TMEM245: variants seen among roughly 807,000 people sequenced by gnomAD.
TMEM245 encodes protein CG-2.
Under a neutral mutation model 101.2 loss-of-function variants are expected in TMEM245, and 69 were observed. The ratio of observed to expected loss-of-function variants is 0.68; its 90% CI spans 0.56 to 0.83. The LOEUF (loss-of-function observed/expected upper bound fraction) is 0.83. Among genes scored for constraint, TMEM245 ranks in the 40% least tolerant of loss-of-function variants. The pLI, the probability that TMEM245 is intolerant of heterozygous loss-of-function variation, is 0.00. For missense variants in TMEM245, 1,075 were observed against 1,092.8 expected (o/e 0.98, Z 0.23); for synonymous variants, 537 against 449.8 (o/e 1.19, Z -2.45).
chr9:109,089,225 C>A (rs1289990331), intron 5 of TMEM245, among the ~76,000 whole-genome samples: 1 of 140,930 alleles, frequency 7.1e-6, no homozygotes, highest in Non-Finnish European at 1.6e-5. Context: ...CAAAGTGAGA[C>A]CTTGTCTCAA....
rs181098908 is a variant in TMEM245, at chr9:109,089,908, T to C, written c.1150+1014A>G. 1.9e-3 allele frequency among the ~76,000 whole-genome samples: 296 copies of C among 152,326 alleles called. 3 individuals are homozygous for C. The highest frequency in any genetic ancestry group is 6.5e-3 in the African/African-American group (271 of 41,574). On this transcript the variant is annotated intron_variant, in intron 5 of 17. Transcript: ENST00000374586. ...ATACATGTATTTCTCAAAGCCTACATTTCCTTTGAATTAAAAAGGCAAGGT... is the reference window on the plus strand; with the variant it reads ...ATACATGTATTTCTCAAAGCCTACACTTCCTTTGAATTAAAAAGGCAAGGT...
At chr9:109,092,446 T>C (rs938143983) in intron 4 of TMEM245, among the ~76,000 whole-genome samples, 3 of 152,262 alleles carry the variant, frequency 2.0e-5, no homozygotes, top group African/African-American at 7.2e-5. Context: ...AGTGCAGGGC[T>C]AAAGCCCAAG....
intron 17 of TMEM245, among the ~76,000 whole-genome samples, chr9:109,024,335 T>A (rs1827731349): frequency 1.3e-5 from 2 of 152,214 alleles, no homozygotes; most frequent in African/African-American, 4.8e-5. Flanking sequence ...CTATGTCCCA[T>A]CGTCTTTTAT....
intron 1 of TMEM245, among the ~76,000 whole-genome samples, chr9:109,114,336 G>A (rs1370780632): frequency 2.0e-5 from 3 of 152,194 alleles, no homozygotes; most frequent in Non-Finnish European, 4.4e-5. Context: ...AACAAACCTA[G>A]AAATGTGTTT....
chr9:109,094,657 G>A (rs1341077337), intron 3 of TMEM245, among the ~76,000 whole-genome samples: 1 of 152,144 alleles, frequency 6.6e-6, no homozygotes. Context: ...AAGATTAATT[G>A]TCTGGTCTTT....
chr9:109,083,925 A>AAAAAAAAAAAAAAC (rs1554725114), intron 7 of TMEM245, among the ~76,000 whole-genome samples: 3 of 140,876 alleles, frequency 2.1e-5, no homozygotes, highest in East Asian at 4.6e-4. Context: ...AAAAAAAAAA[A>AAAAAAAAAAAAAAC]AAAACACCAG....
Position 109,032,365 on chromosome 9 carries a change from C to CTTTTTTTTTTTTTTTTTTTTTTTTT in TMEM245, c.2594+917_2594+941dup, listed in dbSNP as rs755399182. 6.1e-4 allele frequency among the ~76,000 whole-genome samples: 25 copies of CTTTTTTTTTTTTTTTTTTTTTTTTT among 40,980 alleles called. 9 individuals are homozygous for CTTTTTTTTTTTTTTTTTTTTTTTTT. Among genetic ancestry groups the CTTTTTTTTTTTTTTTTTTTTTTTTT allele is most frequent in the Admixed American group, 6.7e-4 (2 of 2,982 alleles). The allele number at this position is 40,980 out of a possible 152,430, so 26.9% of individuals were successfully genotyped here. A position where few individuals can be genotyped will look rare whatever the true frequency, so the allele number is the denominator to read the frequency against. ...GCATTTGGTTGTCCTATTTCTTTTC[C>CTTTTTTTTTTTTTTTTTTTTTTTTT]TTTTTTTTTTTTTTTTTTTTTTTTT... On this transcript the variant is annotated intron_variant, in intron 17 of 17. Transcript: ENST00000374586.
intron 12 of TMEM245, among the ~76,000 whole-genome samples, chr9:109,051,340 A>ACACACACACACACACAC (rs71372547): frequency 6.9e-6 from 1 of 145,184 alleles, no homozygotes; most frequent in African/African-American, 2.5e-5. Context: ...ACACACACAC[A>ACACACACACACACACAC]TCATTGTAGA....
chr9:109,060,883 C>T (rs191607912), intron 10 of TMEM245, among the ~76,000 whole-genome samples: 1 of 152,258 alleles, frequency 6.6e-6, no homozygotes, highest in East Asian at 1.9e-4. Context: ...GCTATAAACA[C>T]GAATCCTTCC....
At position 109,097,541 on chromosome 9, in the gene TMEM245, C is replaced by T. The variant is rs117824091; in HGVS notation, c.800-3950G>A. ...AGATGGCTATAGGCAAGTTAGTTAA[C>T]GTCGAGATGTCCCAGTCTCCTCATG... On this transcript the variant is annotated intron_variant, in intron 3 of 17. Coordinates refer to ENST00000374586, the MANE Select transcript of TMEM245 (RefSeq NM_032012.4). 1.9e-3 allele frequency among the ~76,000 whole-genome samples: 289 copies of T among 152,254 alleles called. 1 individual carries two copies. Among genetic ancestry groups the T allele is most frequent in the Non-Finnish European group, 3.2e-3 (221 of 68,014 alleles).
Position 109,016,846 on chromosome 9 carries a change from T to C in TMEM245, c.*3614A>G, listed in dbSNP as rs562415848. On this transcript the variant is annotated 3_prime_UTR_variant, in exon 18 of 18. Transcript: ENST00000374586. ...TGTGAAATGCACACTCAAAGTCCTA[T>C]TGTAATATTATTTTAAGGGTCTTAG... 6.6e-6 allele frequency: 1 copy of C among 152,296 alleles called. No homozygotes were observed. Among genetic ancestry groups the C allele is most frequent in the Admixed American group, 6.5e-5 (1 of 15,302 alleles). 9.4% of individuals were successfully genotyped at this position (152,296 alleles called of 1,614,324 possible). A position where few individuals can be genotyped will look rare whatever the true frequency, so the allele number is the denominator to read the frequency against.
At chr9:109,114,929 A>C (rs989314145) in intron 1 of TMEM245, among the ~76,000 whole-genome samples, 2 of 152,206 alleles carry the variant, frequency 1.3e-5, no homozygotes, top group Non-Finnish European at 2.9e-5. Context: ...CTGAAAAAGA[A>C]TTACTCATCC....
At chr9:109,101,829 T>A (rs1205952484) in intron 3 of TMEM245, among the ~76,000 whole-genome samples, 1 of 152,220 alleles carries the variant, frequency 6.6e-6, no homozygotes, top group Non-Finnish European at 1.5e-5. Flanking sequence ...GGTCTTCTTT[T>A]TCCCCTTGCT....
rs374552554 is a variant in TMEM245, at chr9:109,017,655, C to T, written c.*2805G>A. 2.0e-5 allele frequency: 3 copies of T among 152,164 alleles called. No homozygotes were observed. Among genetic ancestry groups the T allele is most frequent in the African/African-American group, 7.2e-5 (3 of 41,430 alleles). 9.4% of individuals were successfully genotyped at this position (152,164 alleles called of 1,614,324 possible). ...AGATATTATGACCAAGTTCTGTACT[C>T]CGTTTTTACTGAAATGACTTCTACT... is the stretch of plus-strand genomic sequence containing the variant. On this transcript the variant is annotated 3_prime_UTR_variant, in exon 18 of 18. Transcript: ENST00000374586.
intron 3 of TMEM245, among the ~76,000 whole-genome samples, chr9:109,096,137 G>A (rs1830133881): frequency 6.6e-6 from 1 of 152,218 alleles, no homozygotes; most frequent in South Asian, 2.1e-4. Context: ...AGAGCTGGAT[G>A]AAGATTCTTG....
chr9:109,065,622 G>C (rs1259547369), intron 9 of TMEM245, among the ~76,000 whole-genome samples: 2 of 152,114 alleles, frequency 1.3e-5, no homozygotes, highest in African/African-American at 4.8e-5. Context: ...GACTAAGCAG[G>C]CTGTACCATA....
chr9:109,086,152 A>G (rs1829829341), intron 6 of TMEM245, 132 bp from the exon 7 acceptor site: 15 of 865,012 alleles, frequency 1.7e-5, no homozygotes, highest in Non-Finnish European at 2.6e-5. Flanking sequence ...AAAACTAGGG[A>G]CGGAAAAACT....
At chr9:109,033,614 T>G in intron 16 of TMEM245, 113 bp from the exon 17 acceptor site, 3 of 1,032,518 alleles carry the variant, frequency 2.9e-6, no homozygotes, top group Non-Finnish European at 4.0e-6. Context: ...ATTATCAGCT[T>G]TCTTTAGATC....
chr9:109,102,537 T>C lies in TMEM245; in HGVS notation c.799+3971A>G, dbSNP rs78178285. Among the ~76,000 whole-genome samples the C allele has an allele frequency of 9.5e-4, 145 of 152,368 alleles. 1 individual carries two copies. Among genetic ancestry groups the C allele is most frequent in the African/African-American group, 3.2e-3 (135 of 41,592 alleles). On this transcript the variant is annotated intron_variant, in intron 3 of 17. Transcript: ENST00000374586. ...AAATAATGCTCTATAAGTGTATTCA[T>C]TGACACAGAAAGTTCCTCATGACAT...
Sources: gnomAD v4.1 joint callset for allele counts (sites outside exome capture counted in the v4.1 genomes callset) on GRCh38, gnomAD v4.1.1 for gene constraint, MANE v1.5 for transcripts, NCBI Gene and HGNC (gene_info 2026-07-23, HGNC 2026-07-21) for gene names.